UBE2U: variants seen among roughly 807,000 people sequenced by gnomAD.
The protein encoded by UBE2U is ubiquitin-conjugating enzyme E2 U.
In UBE2U, 39 loss-of-function variants were observed where a neutral mutation model predicts 41.2. That is an observed-to-expected ratio of 0.95 (90% CI 0.73 to 1.24). The LOEUF (loss-of-function observed/expected upper bound fraction) is 1.24. Among genes scored for constraint, UBE2U ranks in the 50% most tolerant of loss-of-function variants. The probability of loss-of-function intolerance (pLI) is 0.00; values close to 1 mark genes in which losing one functional copy is unlikely to be tolerated. For synonymous variants in UBE2U, 107 were observed against 117.8 expected (o/e 0.91, Z 0.60); for missense variants, 336 against 363.1 (o/e 0.93, Z 0.61).
At chr1:64,219,941 T>G (rs1382883983) in intron 5 of UBE2U, among the ~76,000 whole-genome samples, 1 of 152,172 alleles carries the variant, frequency 6.6e-6, no homozygotes, top group Non-Finnish European at 1.5e-5. Context: ...ATTATCCATC[T>G]CTTTGTTCGT....
Position 64,203,825 on chromosome 1 carries a change from C to T in UBE2U, c.-226C>T. The T allele has an allele frequency of 2.4e-6, 1 of 416,434 alleles. No individual in the cohort carries two copies. Among genetic ancestry groups the T allele is most frequent in the Non-Finnish European group, 4.3e-6 (1 of 232,846 alleles). 25.8% of individuals were successfully genotyped at this position (416,434 alleles called of 1,614,324 possible). On this transcript the variant is annotated 5_prime_UTR_variant, in exon 1 of 10. Transcript: ENST00000371077. ...TGAAACGCCGCAGATGAGGAAGTGC[C>T]CAAGTCTTCCTTCGGGAAGTTCTCG...
intron 8 of UBE2U, among the ~76,000 whole-genome samples, chr1:64,256,240 G>A (rs1003565610): frequency 1.3e-5 from 2 of 152,100 alleles, no homozygotes; most frequent in Admixed American, 6.6e-5. Context: ...AACTACCATT[G>A]ACATTCTTCA....
At chr1:64,211,434 C>A (rs551512463) in intron 4 of UBE2U, among the ~76,000 whole-genome samples, 10 of 152,106 alleles carry the variant, frequency 6.6e-5, no homozygotes, top group South Asian at 4.2e-4. Context: ...TGTGCTATTT[C>A]TTTTCTTTTC....
intron 5 of UBE2U, 37 bp from the exon 6 acceptor site, chr1:64,220,822 A>T (rs939854362): frequency 2.0e-6 from 3 of 1,534,216 alleles, no homozygotes; most frequent in African/African-American, 2.8e-5. Context: ...TTCAATCTCC[A>T]AGTAAACCAG....
chr1:64,243,013 C>G (rs1428654274), intron 8 of UBE2U, among the ~76,000 whole-genome samples: 1 of 152,068 alleles, frequency 6.6e-6, no homozygotes, highest in Non-Finnish European at 1.5e-5. Context: ...AAAGTAGAAC[C>G]GTGTCATTTT....
rs189040709 is a variant in UBE2U at position 64,260,602 on chromosome 1, G to C, written c.678-1G>C. The C allele has an allele frequency of 5.8e-6, 9 of 1,546,046 alleles. No homozygotes were observed. In the Admixed American group the frequency reaches 9.9e-5, roughly 17 times the overall value. ...ATTTAGTTTTCTTTTTCTCTTTCTA[G>C]GTATTCCGTTATCAAGTGTTGGCTT... On this transcript the variant is annotated splice_acceptor_variant, in intron 8 of 9. Coordinates refer to ENST00000371077, the MANE Select transcript of UBE2U (RefSeq NM_001366232.2). LOFTEE classifies it high-confidence loss of function.
chr1:64,228,049 T>C (rs1652997572), intron 6 of UBE2U, among the ~76,000 whole-genome samples: 1 of 152,194 alleles, frequency 6.6e-6, no homozygotes, highest in Non-Finnish European at 1.5e-5. Context: ...GTTGTTTTTT[T>C]TCTGGAAATT....
intron 6 of UBE2U, 135 bp from the exon 7 acceptor site, chr1:64,232,426 A>G (rs1644584530): frequency 1.8e-6 from 1 of 542,702 alleles, no homozygotes; most frequent in Non-Finnish European, 3.3e-6. Context: ...ATTGTTAAAA[A>G]TGCATGTTAC....
chr1:64,203,861 T>A lies in UBE2U; in HGVS notation c.-190T>A. On this transcript the variant is annotated 5_prime_UTR_variant, in exon 1 of 10. Transcript: ENST00000371077. ...TTCGGGAAGTTCTCGTTTAGAGGAG[T>A]CAGGAGAAAAAGTCATTGTTATATC... 2.3e-6 allele frequency: 1 copy of A among 437,262 alleles called. No homozygotes were observed. The highest frequency in any genetic ancestry group is 6.8e-5 in the South Asian group (1 of 14,666). The allele number at this position is 437,262 out of a possible 1,614,324, so 27.1% of individuals were successfully genotyped here.
intron 3 of UBE2U, among the ~76,000 whole-genome samples, chr1:64,207,437 C>A (rs1432418111): frequency 6.6e-6 from 1 of 152,212 alleles, no homozygotes; most frequent in African/African-American, 2.4e-5. Flanking sequence ...AACCACTGCG[C>A]CTGGCCTAGG....
At chr1:64,229,231 G>A (rs1175197575) in intron 6 of UBE2U, among the ~76,000 whole-genome samples, 12 of 152,056 alleles carry the variant, frequency 7.9e-5, no homozygotes, top group Admixed American at 7.9e-4. Flanking sequence ...CTGACCTCAG[G>A]TGATCCTCTC....
At chr1:64,264,885 G>A (rs150893713) in intron 9 of UBE2U, among the ~76,000 whole-genome samples, 5,176 of 152,242 alleles carry the variant, frequency 0.034, 309 homozygotes, top group African/African-American at 0.12. Flanking sequence ...AGGAGGCAGA[G>A]GTTGCAGTGA....
chr1:64,263,060 G>A (rs1218373761), intron 9 of UBE2U, among the ~76,000 whole-genome samples: 1 of 152,134 alleles, frequency 6.6e-6, no homozygotes, highest in Admixed American at 6.6e-5. Context: ...ATGATAAGTG[G>A]GGAAAAGGCA....
chr1:64,204,891 T>G (rs1016774619), intron 1 of UBE2U, among the ~76,000 whole-genome samples: 5 of 152,238 alleles, frequency 3.3e-5, no homozygotes, highest in African/African-American at 1.2e-4. Flanking sequence ...GGAACAATTA[T>G]GGAGTCCAAC....
At chr1:64,218,362 G>C (rs1040884898) in intron 5 of UBE2U, among the ~76,000 whole-genome samples, 4 of 152,132 alleles carry the variant, frequency 2.6e-5, no homozygotes, top group African/African-American at 9.7e-5. Flanking sequence ...ATACCAGATA[G>C]TCCAGTAACT....
intron 5 of UBE2U, among the ~76,000 whole-genome samples, chr1:64,215,791 A>G (rs1232354368): frequency 6.6e-6 from 1 of 152,064 alleles, no homozygotes; most frequent in Non-Finnish European, 1.5e-5. Flanking sequence ...TATGACTCCT[A>G]ACTCCATTGC....
At chr1:64,223,019 A>G (rs1388853805) in intron 6 of UBE2U, among the ~76,000 whole-genome samples, 1 of 152,190 alleles carries the variant, frequency 6.6e-6, no homozygotes, top group Admixed American at 6.5e-5. Flanking sequence ...AGTGGTCTAT[A>G]GGATACCACT....
At chr1:64,223,330 G>T (rs1368552708) in intron 6 of UBE2U, among the ~76,000 whole-genome samples, 1 of 152,182 alleles carries the variant, frequency 6.6e-6, no homozygotes, top group Non-Finnish European at 1.5e-5. Flanking sequence ...GGGAGACAGT[G>T]CAAGAAGTAG....
chr1:64,206,576 T>C (rs1651309572), intron 2 of UBE2U, among the ~76,000 whole-genome samples, 188 bp from the exon 3 acceptor site: 3 of 151,708 alleles, frequency 2.0e-5, no homozygotes, highest in Admixed American at 2.0e-4. Flanking sequence ...ACTGAAAACG[T>C]ATGATTATAA....
Sources: allele counts gnomAD v4.1 joint callset (sites outside exome capture counted in the v4.1 genomes callset), GRCh38; gene constraint gnomAD v4.1.1; transcripts MANE v1.5; gene names NCBI Gene and HGNC (gene_info 2026-07-23, HGNC 2026-07-21).